The following NOC3L variants were observed in gnomAD, a reference collection of about 807,000 sequenced individuals.
NOC3L encodes the protein NOC3 like DNA replication regulator.
NOC3L carries 85 observed loss-of-function variants against 102.5 expected under a neutral mutation model. The ratio of observed to expected loss-of-function variants is 0.83; its 90% CI spans 0.70 to 0.99. The LOEUF (loss-of-function observed/expected upper bound fraction) is 0.99, where lower values mean the gene tolerates loss of function less well. NOC3L is among the 50% of genes least tolerant of loss of function. The probability of loss-of-function intolerance (pLI) is 0.00; values close to 1 mark genes in which losing one functional copy is unlikely to be tolerated. For synonymous variants in NOC3L, 303 were observed against 309.4 expected (o/e 0.98, Z 0.22); for missense variants, 878 against 914.9 (o/e 0.96, Z 0.52).
the NOC3L span, among the ~76,000 whole-genome samples, chr10:94,326,683 A>C: frequency 1.3e-5 from 2 of 152,208 alleles, no homozygotes; most frequent in Non-Finnish European, 2.9e-5. Flanking sequence ...CTAATTGCTT[A>C]TATTTTAGGA....
At chr10:94,349,458 T>C (rs2054388761) in intron 9 of NOC3L, 80 bp from the exon 10 acceptor site, 2 of 1,303,122 alleles carry the variant, frequency 1.5e-6, no homozygotes, top group African/African-American at 3.0e-5. Flanking sequence ...AATTCTTTGT[T>C]GTAGGGGGAC....
In NOC3L at chr10:94,334,010, T is replaced by G; in HGVS notation, c.*167A>C. On this transcript the variant is annotated 3_prime_UTR_variant, in exon 21 of 21. Transcript: ENST00000371361. ...CCTTGATGGAATGACATATTCAGAA[T>G]AGGGGCAGAACCCTGTGCCATGCAA... 2.3e-6 allele frequency: 1 copy of G among 429,968 alleles called. No individual in the cohort carries two copies. The highest frequency in any genetic ancestry group is 4.1e-6 in the Non-Finnish European group (1 of 243,710). The allele number at this position is 429,968 out of a possible 1,614,324, so 26.6% of individuals were successfully genotyped here. A position where few individuals can be genotyped will look rare whatever the true frequency, so the allele number is the denominator to read the frequency against.
intron 10 of NOC3L, among the ~76,000 whole-genome samples, chr10:94,347,260 T>G (rs2054355121): frequency 6.6e-6 from 1 of 152,140 alleles, no homozygotes; most frequent in Non-Finnish European, 1.5e-5. Flanking sequence ...AGCTGAGTAT[T>G]TGGGATTACA....
chr10:94,318,896 A>AAATT, the NOC3L span, among the ~76,000 whole-genome samples: 1 of 152,132 alleles, frequency 6.6e-6, no homozygotes, highest in African/African-American at 2.4e-5. Context: ...AAAAATACAA[A>AAATT]AATTAGCAGG....
At chr10:94,323,240 T>C in the NOC3L span, among the ~76,000 whole-genome samples, 2 of 152,300 alleles carry the variant, frequency 1.3e-5, no homozygotes, top group East Asian at 1.9e-4. Context: ...TCAGAGAAGT[T>C]TGCTTCCTTC....
chr10:94,325,145 T>G, the NOC3L span: 1 of 1,362,250 alleles, frequency 7.3e-7, no homozygotes, highest in Non-Finnish European at 1.1e-6. Context: ...AGGGCTTAAC[T>G]TAAACTACTT....
At position 94,337,935 on chromosome 10, in the gene NOC3L, C is replaced by G. The variant is rs549456184; in HGVS notation, c.2092-61G>C. 1.2e-5 allele frequency: 15 copies of G among 1,227,972 alleles called. No individual in the cohort carries two copies. The East Asian group carries it at 3.5e-4, about 29-fold the overall frequency. The allele number at this position is 1,227,972 out of a possible 1,614,324, so 76.1% of individuals were successfully genotyped here. A position where few individuals can be genotyped will look rare whatever the true frequency, so the allele number is the denominator to read the frequency against. ...GTCAGTCCTTTACAAAAAACACTAG[C>G]CACAGCAAAGATTTTCTTAAATAAA... is the stretch of plus-strand genomic sequence containing the variant. On this transcript the variant is annotated intron_variant, in intron 18 of 20. Coordinates refer to ENST00000371361, the MANE Select transcript of NOC3L (RefSeq NM_022451.11).
the NOC3L span, chr10:94,316,552 G>T: frequency 6.2e-7 from 1 of 1,604,220 alleles, no homozygotes; most frequent in South Asian, 1.1e-5. Flanking sequence ...TTTAGATTCT[G>T]ACAAATGAAC....
downstream of NOC3L, chr10:94,331,366 A>T (rs1564905815): frequency 6.6e-6 from 1 of 152,318 alleles, no homozygotes; most frequent in South Asian, 2.1e-4. Context: ...CAATATCTCT[A>T]TAGACTTCTG....
At chr10:94,343,224 T>C (rs531377828) in intron 13 of NOC3L, among the ~76,000 whole-genome samples, 2 of 152,252 alleles carry the variant, frequency 1.3e-5, no homozygotes, top group South Asian at 4.1e-4. Flanking sequence ...TTTAAACTTT[T>C]TTAAATAAAG....
chr10:94,327,804 T>C, the NOC3L span, among the ~76,000 whole-genome samples: 2 of 152,206 alleles, frequency 1.3e-5, no homozygotes, highest in African/African-American at 4.8e-5. Flanking sequence ...TTCTACTTCC[T>C]AGAAACATCA....
Position 94,334,296 on chromosome 10 carries a change from A to G in NOC3L, c.2284T>C (p.Leu762=). The G allele has an allele frequency of 6.3e-7, 1 of 1,594,494 alleles. No homozygotes were observed. The highest frequency in any genetic ancestry group is 8.6e-7 in the Non-Finnish European group (1 of 1,164,626). The change falls in exon 21 of 21, where the codon TTA becomes CTA. Residue 762 remains leucine (L), a synonymous_variant. Transcript: ENST00000371361. ...SSNPKIKGKF[L]QGDSFLNEDL... ...TCATTCAAAAATGAATCCCCTTGTA[A>G]AAATTTACCCTAGGAAAATATTTAA...
chr10:94,322,030 GT>G, the NOC3L span: 1 of 1,614,094 alleles, frequency 6.2e-7, no homozygotes, highest in Non-Finnish European at 8.5e-7. Flanking sequence ...AGCACCCCGC[GT>G]CAGCACTGCA....
intron 2 of NOC3L, among the ~76,000 whole-genome samples, chr10:94,359,665 A>G (rs2054530669): frequency 6.6e-6 from 1 of 152,192 alleles, no homozygotes; most frequent in African/African-American, 2.4e-5. Context: ...TCATCAGGGA[A>G]ATGTAAATCA....
intron 13 of NOC3L, among the ~76,000 whole-genome samples, chr10:94,343,905 T>C (rs1185295998): frequency 1.3e-5 from 2 of 152,338 alleles, no homozygotes; most frequent in Middle Eastern, 3.4e-3. Flanking sequence ...AGCAATGTTC[T>C]ATAGGATACC....
chr10:94,315,425 C>T, the NOC3L span: 1 of 456,112 alleles, frequency 2.2e-6, no homozygotes, highest in African/African-American at 2.0e-5. Context: ...TTCACTGCAA[C>T]TGACCTTTAC....
chr10:94,339,106 T>C (rs1589565243), intron 17 of NOC3L, among the ~76,000 whole-genome samples: 2 of 152,000 alleles, frequency 1.3e-5, no homozygotes, highest in East Asian at 3.9e-4. Context: ...TCAAGAGAAA[T>C]AGAAAGAAGC....
chr10:94,342,283 G>T (rs74376354), intron 13 of NOC3L, among the ~76,000 whole-genome samples: 335 of 152,216 alleles, frequency 2.2e-3, no homozygotes, highest in African/African-American at 7.3e-3. Context: ...ACCCAATAGG[G>T]TTAAAGAAGA....
Position 94,356,530 on chromosome 10 carries a change from A to G in NOC3L, c.565+5T>C. 3 of 1,554,420 alleles carry G rather than the reference A, an allele frequency of 1.9e-6. No homozygotes were observed. The highest frequency in any genetic ancestry group is 2.7e-6 in the Non-Finnish European group (3 of 1,127,594). On this transcript the variant is annotated splice_donor_5th_base_variant and intron_variant, in intron 5 of 20. Coordinates refer to ENST00000371361, the MANE Select transcript of NOC3L (RefSeq NM_022451.11). ...AACAATTTAGTAACTGTAAAGACAT[A>G]TTACCTTCCTCAAGTTCCCTCTCTT...
Sources: allele counts gnomAD v4.1 joint callset (sites outside exome capture counted in the v4.1 genomes callset), GRCh38; gene constraint gnomAD v4.1.1; transcripts MANE v1.5; gene names NCBI Gene and HGNC (gene_info 2026-07-23, HGNC 2026-07-21).